The following EFNB2 variants were observed in gnomAD, a reference collection of about 807,000 sequenced individuals.
EFNB2 encodes ephrin B2, also known as ephrin-B2.
A neutral mutation model predicts 32.1 loss-of-function variants in EFNB2; 5 were observed. The ratio of observed to expected loss-of-function variants is 0.16; its 90% CI spans 0.08 to 0.33. EFNB2 has a LOEUF of 0.33. Among genes scored for constraint, EFNB2 ranks in the 10% least tolerant of loss-of-function variants. EFNB2 has a pLI of 1.00. For missense variants in EFNB2, 263 were observed against 422.6 expected (o/e 0.62, Z 3.31); for synonymous variants, 168 against 166.5 (o/e 1.01, Z -0.07).
chr13:106,519,265 TCTAC>T (rs1367601164), intron 1 of EFNB2: 1 of 152,208 alleles, frequency 6.6e-6, no homozygotes, highest in South Asian at 2.1e-4. Flanking sequence ...CAGAGCCACT[TCTAC>T]CTAATATTAC....
Position 106,492,929 on chromosome 13 carries a change from C to A in EFNB2, c.*111G>T, listed in dbSNP as rs1320242751. ...TTCCGAGGAGGAGTGTCCCTCTCCC[C>A]CGGTGCTGTGCTTCAGTCAATTCTC... On this transcript the variant is annotated 3_prime_UTR_variant, in exon 5 of 5. Transcript: ENST00000646441. This position sits in a 1 kb window ranked among gnomAD's most constrained non-coding sequence, Gnocchi z 5.1. The A allele has an allele frequency of 3.6e-6, 5 of 1,404,742 alleles. No homozygotes were observed. The highest frequency in any genetic ancestry group is 4.8e-6 in the Non-Finnish European group (5 of 1,042,870). 87.0% of individuals were successfully genotyped at this position (1,404,742 alleles called of 1,614,324 possible).
At chr13:106,500,011 T>C (rs1878719407) in intron 2 of EFNB2, among the ~76,000 whole-genome samples, 1 of 152,262 alleles carries the variant, frequency 6.6e-6, no homozygotes, top group South Asian at 2.1e-4. Flanking sequence ...GCCATCTATT[T>C]GCACCTATAC....
rs974144296 is a variant in EFNB2 at position 106,491,658 on chromosome 13, G to C, written c.*1382C>G. ...GGGCGCTGCAGCCTCCATCAGTACC[G>C]ACCCTGCAGCCCTGGCACCCGGACA... On this transcript the variant is annotated 3_prime_UTR_variant, in exon 5 of 5. Coordinates refer to ENST00000646441, the MANE Select transcript of EFNB2 (RefSeq NM_004093.4). 1 of 152,514 alleles carries C rather than the reference G, an allele frequency of 6.6e-6. No homozygotes were observed. Among genetic ancestry groups the C allele is most frequent in the East Asian group, 1.9e-4 (1 of 5,172 alleles). 9.4% of individuals were successfully genotyped at this position (152,514 alleles called of 1,614,324 possible).
chr13:106,534,582 C>A (rs989078020), intron 1 of EFNB2, among the ~76,000 whole-genome samples: 4 of 152,202 alleles, frequency 2.6e-5, no homozygotes, highest in African/African-American at 9.7e-5. Context: ...GACTTGACAC[C>A]CGAGCCGATA....
At chr13:106,503,579 G>A (rs1357990084) in intron 2 of EFNB2, among the ~76,000 whole-genome samples, 13 of 152,206 alleles carry the variant, frequency 8.5e-5, no homozygotes, top group Admixed American at 8.5e-4. Context: ...AGGTTGCCAG[G>A]TGGAAGTCAT....
At chr13:106,524,319 T>C (rs1879630471) in intron 1 of EFNB2, among the ~76,000 whole-genome samples, 1 of 152,202 alleles carries the variant, frequency 6.6e-6, no homozygotes, top group Admixed American at 6.5e-5. Context: ...TGATAAAGAC[T>C]ACTCCATGCA....
chr13:106,533,910 T>G (rs1879966684), intron 1 of EFNB2, among the ~76,000 whole-genome samples: 1 of 152,016 alleles, frequency 6.6e-6, no homozygotes, highest in Non-Finnish European at 1.5e-5. Context: ...TAGGGATGGA[T>G]GGGATTTTCT....
At chr13:106,510,477 AAG>A (rs1376877345) in intron 2 of EFNB2, among the ~76,000 whole-genome samples, 2 of 152,234 alleles carry the variant, frequency 1.3e-5, no homozygotes, top group Non-Finnish European at 2.9e-5. Flanking sequence ...CTAAAGTAAG[AAG>A]AGAGACTCTG....
intron 4 of EFNB2, among the ~76,000 whole-genome samples, chr13:106,494,182 C>T (rs947585119): frequency 1.3e-5 from 2 of 152,170 alleles, no homozygotes; most frequent in African/African-American, 2.4e-5. Context: ...TTGCTGCAGA[C>T]GATAAATTTG....
At chr13:106,506,011 A>C (rs1878939224) in intron 2 of EFNB2, 1 of 152,208 alleles carries the variant, frequency 6.6e-6, no homozygotes, top group Non-Finnish European at 1.5e-5. Flanking sequence ...TTCTCAGTGC[A>C]ATCTCAAGTT....
rs935202396 is a variant in EFNB2, at chr13:106,490,098, T to C, written c.*2942A>G. 6.6e-6 allele frequency: 1 copy of C among 152,632 alleles called. No individual in the cohort carries two copies. Among genetic ancestry groups the C allele is most frequent in the Non-Finnish European group, 1.5e-5 (1 of 68,046 alleles). The allele number at this position is 152,632 out of a possible 1,614,324, so 9.5% of individuals were successfully genotyped here. A position where few individuals can be genotyped will look rare whatever the true frequency, so the allele number is the denominator to read the frequency against. ...GTTAAACAAGCTGTAGCTAAATACA[T>C]TGCAAAATTCAGATTTTATACAAAA... On this transcript the variant is annotated 3_prime_UTR_variant, in exon 5 of 5. Coordinates refer to ENST00000646441, the MANE Select transcript of EFNB2 (RefSeq NM_004093.4).
chr13:106,495,738 T>TG lies in EFNB2; in HGVS notation c.499+9dup, dbSNP rs1200368579. On this transcript the variant is annotated intron_variant, in intron 3 of 4. Transcript: ENST00000646441. ...CACAGTGGCGTCATGAAGCAGCAGA[T>TG]GGTCTTTACCTTGTCCAACTTTCAT... The TG allele has an allele frequency of 6.2e-7, 1 of 1,613,330 alleles. No homozygotes were observed. The highest frequency in any genetic ancestry group is 8.5e-7 in the Non-Finnish European group (1 of 1,179,596).
chr13:106,503,089 T>A (rs545330760), intron 2 of EFNB2, among the ~76,000 whole-genome samples: 1 of 152,314 alleles, frequency 6.6e-6, no homozygotes, highest in South Asian at 2.1e-4. Context: ...TATGGAGTTG[T>A]TTATTTTATT....
intron 2 of EFNB2, among the ~76,000 whole-genome samples, chr13:106,498,487 G>T (rs1352868125): frequency 6.6e-6 from 1 of 151,988 alleles, no homozygotes; most frequent in Non-Finnish European, 1.5e-5. Flanking sequence ...GAGCTCCCTA[G>T]GTTTACCAAA....
At chr13:106,528,178 T>C (rs1008566751) in intron 1 of EFNB2, among the ~76,000 whole-genome samples, 5 of 151,968 alleles carry the variant, frequency 3.3e-5, no homozygotes, top group African/African-American at 1.2e-4. Flanking sequence ...CTGCATTAAG[T>C]TAGAAAAAGA....
At position 106,534,047 on chromosome 13, in the gene EFNB2, A is replaced by G. The variant is rs1014180969; in HGVS notation, c.122+796T>C. ...GGATCCCATTCCTACCAGGGTCCCGAGGGAGAAGGCTTCAGGAGCAGTGTC... is the reference window on the plus strand; with the variant it reads ...GGATCCCATTCCTACCAGGGTCCCGGGGGAGAAGGCTTCAGGAGCAGTGTC... On this transcript the variant is annotated intron_variant, in intron 1 of 4. Coordinates refer to ENST00000646441, the MANE Select transcript of EFNB2 (RefSeq NM_004093.4). Among the ~76,000 whole-genome samples the G allele has an allele frequency of 2.6e-5, 4 of 152,266 alleles. No individual in the cohort carries two copies. In the Middle Eastern group the frequency reaches 0.01, roughly 388 times the overall value.
intron 2 of EFNB2, among the ~76,000 whole-genome samples, chr13:106,503,913 C>A (rs1326988434): frequency 6.6e-6 from 1 of 152,152 alleles, no homozygotes; most frequent in African/African-American, 2.4e-5. Context: ...TGTAAGAGTT[C>A]TAAAGATAAA....
At chr13:106,512,392 A>AG (rs59267623) in intron 2 of EFNB2, 137 bp downstream of exon 2, 22,894 of 296,076 alleles carry the variant, frequency 0.077, 322 homozygotes, top group Non-Finnish European at 0.085. Flanking sequence ...AAAAAAAAAA[A>AG]GGGGGGGGGG....
At chr13:106,501,806 T>A (rs972054177) in intron 2 of EFNB2, among the ~76,000 whole-genome samples, 26 of 151,994 alleles carry the variant, frequency 1.7e-4, no homozygotes, top group African/African-American at 4.8e-4. Flanking sequence ...GTTAGCCAGT[T>A]TGGTCTCGAT....
Sources: allele counts gnomAD v4.1 joint callset (sites outside exome capture counted in the v4.1 genomes callset), GRCh38; gene constraint gnomAD v4.1.1; non-coding constraint Gnocchi (gnomAD v3.1); transcripts MANE v1.5; gene names NCBI Gene and HGNC (gene_info 2026-07-23, HGNC 2026-07-21).